The following RGPD2 variants were observed in gnomAD, a reference collection of about 807,000 sequenced individuals.
The protein encoded by RGPD2 is RANBP2 like and GRIP domain containing 2.
Under a neutral mutation model 36.0 loss-of-function variants are expected in RGPD2, and 2 were observed. That is an observed-to-expected ratio of 0.06 (90% CI 0.02 to 0.17). The LOEUF (loss-of-function observed/expected upper bound fraction) is 0.17. Ranked by LOEUF, RGPD2 falls within the 10% of genes least tolerant of loss-of-function variation. RGPD2 has a pLI of 1.00. For missense variants in RGPD2, 40 were observed against 464.3 expected (o/e 0.09, Z 8.40); for synonymous variants, 19 against 163.8 (o/e 0.12, Z 6.75).
the RGPD2 span, among the ~76,000 whole-genome samples, chr2:87,861,200 A>G: frequency 6.7e-6 from 1 of 150,054 alleles, no homozygotes; most frequent in Non-Finnish European, 1.5e-5. Context: ...ATTTTACCAG[A>G]TAGAAATAAG....
At chr2:87,952,632 A>T in the RGPD2 span, among the ~76,000 whole-genome samples, 1 of 152,008 alleles carries the variant, frequency 6.6e-6, no homozygotes, top group African/African-American at 2.4e-5. Context: ...TGTGTAATAA[A>T]TGAATTAATG....
the RGPD2 span, among the ~76,000 whole-genome samples, chr2:87,913,095 C>T: frequency 6.6e-6 from 1 of 152,062 alleles, no homozygotes; most frequent in Admixed American, 6.6e-5. Context: ...TTTAAATGTC[C>T]TTATATGGCT....
upstream of RGPD2, among the ~76,000 whole-genome samples, chr2:87,829,694 GA>G (rs1009038762): frequency 2.6e-5 from 4 of 151,258 alleles, no homozygotes; most frequent in Non-Finnish European, 5.9e-5. Context: ...AACAGCAAGA[GA>G]AAAAAAACCC....
At chr2:87,830,361 A>G (rs1053543536), upstream of RGPD2, among the ~76,000 whole-genome samples, 3 of 152,206 alleles carry the variant, frequency 2.0e-5, no homozygotes, top group Non-Finnish European at 4.4e-5. Context: ...ATCACCATCT[A>G]CATCTGAGAC....
At chr2:87,813,095 C>T (rs1163442942) in intron 4 of RGPD2, among the ~76,000 whole-genome samples, 2 of 152,226 alleles carry the variant, frequency 1.3e-5, no homozygotes, top group African/African-American at 4.8e-5. Context: ...AAGTTCCCTT[C>T]AAGACAATAA....
the RGPD2 span, among the ~76,000 whole-genome samples, chr2:87,932,607 T>C: frequency 6.7e-6 from 1 of 148,450 alleles, no homozygotes; most frequent in Admixed American, 6.7e-5. Flanking sequence ...TCCTTTCATA[T>C]TTAGTGATTT....
the RGPD2 span, chr2:87,973,181 C>G: frequency 1.0e-5 from 16 of 1,602,734 alleles, no homozygotes; most frequent in African/African-American, 2.0e-4. Flanking sequence ...TTTGAAGGAA[C>G]AAATGTGGAA....
chr2:87,847,437 G>C, the RGPD2 span, among the ~76,000 whole-genome samples: 25 of 151,072 alleles, frequency 1.7e-4, no homozygotes, highest in Non-Finnish European at 2.4e-4. Flanking sequence ...AGATATTTCA[G>C]TGTAAAGTTG....
intron 1 of RGPD2, chr2:87,825,026 T>C: frequency 2.5e-6 from 1 of 392,778 alleles, no homozygotes; most frequent in Non-Finnish European, 4.5e-6. Flanking sequence ...GCTAAAAATA[T>C]TAAATACAAA....
intron 7 of RGPD2, among the ~76,000 whole-genome samples, chr2:87,805,784 C>T (rs1255413713): frequency 2.6e-5 from 4 of 151,988 alleles, no homozygotes; most frequent in South Asian, 4.2e-4. Flanking sequence ...GGTGTGAACT[C>T]GGGAGGTGGA....
the RGPD2 span, among the ~76,000 whole-genome samples, chr2:87,857,584 C>T: frequency 9.9e-5 from 15 of 151,488 alleles, no homozygotes; most frequent in East Asian, 2.0e-4. Flanking sequence ...CCTTGTGATC[C>T]GCCCGCCTCG....
At chr2:87,834,567 G>T in the RGPD2 span, among the ~76,000 whole-genome samples, 2 of 151,882 alleles carry the variant, frequency 1.3e-5, no homozygotes, top group East Asian at 3.9e-4. Context: ...CAAACAATTG[G>T]AAAGATTTAA....
the RGPD2 span, among the ~76,000 whole-genome samples, chr2:87,986,924 T>C: frequency 4.0e-5 from 6 of 150,046 alleles, no homozygotes; most frequent in African/African-American, 9.8e-5. Flanking sequence ...TCTATGTTTA[T>C]ACATTTATAT....
upstream of RGPD2, among the ~76,000 whole-genome samples, chr2:87,827,218 T>TTAAAAAATACCTTTAA (rs1686837931): frequency 6.6e-6 from 1 of 152,142 alleles, no homozygotes; most frequent in Non-Finnish European, 1.5e-5. Flanking sequence ...AAATGGATTT[T>TTAAAAAATACCTTTAA]AAAGGTATTG....
At chr2:87,875,426 T>C in the RGPD2 span, among the ~76,000 whole-genome samples, 2 of 145,024 alleles carry the variant, frequency 1.4e-5, no homozygotes, top group African/African-American at 5.2e-5. Flanking sequence ...GATGTTGAAT[T>C]TTATCAAAAG....
chr2:87,877,804 C>CAAAAAAAAAAAAAAAAAAA, the RGPD2 span, among the ~76,000 whole-genome samples: 15 of 84,384 alleles, frequency 1.8e-4, no homozygotes, highest in Non-Finnish European at 2.8e-4. Context: ...GACTCCGTCT[C>CAAAAAAAAAAAAAAAAAAA]AAAAAAAAAA....
chr2:87,952,205 T>C, the RGPD2 span, among the ~76,000 whole-genome samples: 1 of 152,234 alleles, frequency 6.6e-6, no homozygotes, highest in African/African-American at 2.4e-5. Context: ...ATAAAGGAAA[T>C]TTGTTAATTA....
the RGPD2 span, among the ~76,000 whole-genome samples, chr2:87,882,050 C>T: frequency 3.9e-5 from 6 of 152,184 alleles, no homozygotes; most frequent in Non-Finnish European, 8.8e-5. Flanking sequence ...ACCAGATGAC[C>T]ATTACAAAGA....
At chr2:87,957,840 C>A in the RGPD2 span, among the ~76,000 whole-genome samples, 1 of 152,304 alleles carries the variant, frequency 6.6e-6, no homozygotes, top group Non-Finnish European at 1.5e-5. Context: ...GAGCTTTGCA[C>A]ATCATTGCTT....
Sources: allele counts gnomAD v4.1 joint callset (sites outside exome capture counted in the v4.1 genomes callset), GRCh38; gene constraint gnomAD v4.1.1; transcripts MANE v1.5; gene names NCBI Gene and HGNC (gene_info 2026-07-23, HGNC 2026-07-21).